Variants in CPQ observed in about 807,000 individuals in gnomAD.
CPQ encodes the protein Ser-Met dipeptidase.
CPQ carries 37 observed loss-of-function variants against 45.7 expected under a neutral mutation model. The observed-to-expected ratio is 0.81, with a 90% CI of 0.62 to 1.07. The LOEUF (loss-of-function observed/expected upper bound fraction) is 1.07, where lower values mean the gene tolerates loss of function less well. Ranked by LOEUF, CPQ falls within the 50% of genes least tolerant of loss-of-function variation. CPQ has a pLI of 0.00. For missense variants in CPQ, 537 were observed against 572.9 expected (o/e 0.94, Z 0.64); for synonymous variants, 186 against 205.8 (o/e 0.90, Z 0.82).
intron 4 of CPQ, among the ~76,000 whole-genome samples, chr8:96,923,152 G>A (rs921601197): frequency 3.9e-5 from 6 of 152,170 alleles, no homozygotes; most frequent in African/African-American, 1.4e-4. Context: ...TGAGCCAGGA[G>A]TCAGTAGAAG....
chr8:96,922,681 C>G (rs1487720571), intron 4 of CPQ, among the ~76,000 whole-genome samples: 2 of 152,154 alleles, frequency 1.3e-5, no homozygotes, highest in African/African-American at 4.8e-5. Context: ...CTCCGACAAC[C>G]TAAAAGCATT....
At chr8:96,993,256 C>G (rs1306186586) in intron 5 of CPQ, among the ~76,000 whole-genome samples, 1 of 152,144 alleles carries the variant, frequency 6.6e-6, no homozygotes, top group African/African-American at 2.4e-5. Context: ...TTATTTGCTT[C>G]TTGAATAAGA....
chr8:97,095,029 G>T (rs562879410), intron 7 of CPQ, among the ~76,000 whole-genome samples: 14 of 152,106 alleles, frequency 9.2e-5, no homozygotes, highest in Non-Finnish European at 2.1e-4. Flanking sequence ...TATGTCCTTA[G>T]CTTCTCTTAA....
chr8:97,143,155 A>T lies in CPQ; in HGVS notation c.1391A>T (p.Asp464Val). ...GCTGTTGTTTCTTATGTTGTTGCAG[A>T]CATGGAAGAAATGCTGCCTAGGTCC... ...VWAVVSYVVA[D>V]MEEMLPRS Residue 464 changes from aspartate (D) to valine (V), a missense_variant, in exon 8 of 8, where the codon GAC (aspartate) becomes GTC (valine). By Grantham distance (152) the Asp-to-Val change is radical. Transcript: ENST00000220763. The T allele has an allele frequency of 1.9e-6, 3 of 1,614,036 alleles. No individual in the cohort carries two copies. Among genetic ancestry groups the T allele is most frequent in the Non-Finnish European group, 2.5e-6 (3 of 1,179,932 alleles).
intron 6 of CPQ, among the ~76,000 whole-genome samples, chr8:97,055,312 C>T (rs767857838): frequency 3.3e-5 from 5 of 152,176 alleles, no homozygotes; most frequent in Non-Finnish European, 7.3e-5. Flanking sequence ...CCACCAGTTC[C>T]TAAAGCCATT....
chr8:96,759,927 G>A (rs1026925808), intron 1 of CPQ, among the ~76,000 whole-genome samples: 2 of 152,068 alleles, frequency 1.3e-5, no homozygotes, highest in Non-Finnish European at 2.9e-5. Flanking sequence ...TATTCCCCCC[G>A]TTACATAGAG....
In CPQ at chr8:96,934,874, A is replaced by C. The variant is rs562007691; in HGVS notation, c.850-31061A>C. ...GATAAGCACTTACGGGCAGAAAAGG[A>C]ACAGAGACAGATCATCACGGTCTCC... On this transcript the variant is annotated intron_variant, in intron 4 of 7. Transcript: ENST00000220763. 3.9e-5 allele frequency among the ~76,000 whole-genome samples: 6 copies of C among 152,280 alleles called. No individual in the cohort carries two copies. In the South Asian group the frequency reaches 8.3e-4, roughly 21 times the overall value.
At chr8:97,023,493 AT>A (rs1809745744) in intron 5 of CPQ, among the ~76,000 whole-genome samples, 1 of 152,190 alleles carries the variant, frequency 6.6e-6, no homozygotes, top group Non-Finnish European at 1.5e-5. Flanking sequence ...AATAAAAAAT[AT>A]AATAAGCAGA....
intron 3 of CPQ, among the ~76,000 whole-genome samples, chr8:96,863,971 A>G (rs533587085): frequency 6.6e-6 from 1 of 152,182 alleles, no homozygotes; most frequent in South Asian, 2.1e-4. Context: ...ACATATTTTA[A>G]TGGTATGTAT....
chr8:96,763,319 G>T (rs1236558228), intron 1 of CPQ, among the ~76,000 whole-genome samples: 1 of 152,092 alleles, frequency 6.6e-6, no homozygotes, highest in South Asian at 2.1e-4. Context: ...ATATTCAATT[G>T]TACTAGTGTG....
At chr8:96,992,453 G>A (rs1229426267) in intron 5 of CPQ, among the ~76,000 whole-genome samples, 1 of 152,144 alleles carries the variant, frequency 6.6e-6, no homozygotes, top group Non-Finnish European at 1.5e-5. Context: ...ATAATTATAT[G>A]TGTGAAGAAT....
intron 6 of CPQ, among the ~76,000 whole-genome samples, chr8:97,033,353 T>C (rs1809941668): frequency 6.6e-6 from 1 of 152,226 alleles, no homozygotes; most frequent in African/African-American, 2.4e-5. Flanking sequence ...AGTTTTTTCA[T>C]ATGTTTAGCT....
At chr8:96,833,184 C>T (rs945410976) in intron 2 of CPQ, among the ~76,000 whole-genome samples, 4 of 152,104 alleles carry the variant, frequency 2.6e-5, no homozygotes, top group African/African-American at 9.7e-5. Flanking sequence ...AACTCTTCTT[C>T]CAAGTTCACA....
intron 7 of CPQ, among the ~76,000 whole-genome samples, chr8:97,073,399 T>C (rs1023923302): frequency 6.6e-6 from 1 of 152,220 alleles, no homozygotes; most frequent in African/African-American, 2.4e-5. Flanking sequence ...CCAGATGGAA[T>C]AGCGCAGCCC....
At chr8:96,852,263 A>G (rs1811780170) in intron 3 of CPQ, among the ~76,000 whole-genome samples, 1 of 152,242 alleles carries the variant, frequency 6.6e-6, no homozygotes, top group Middle Eastern at 3.2e-3. Flanking sequence ...AAAGCATATC[A>G]CATTTCTCCA....
At chr8:96,700,831 CT>C (rs1390675061) in intron 1 of CPQ, among the ~76,000 whole-genome samples, 3 of 152,188 alleles carry the variant, frequency 2.0e-5, no homozygotes, top group Non-Finnish European at 4.4e-5. Flanking sequence ...AACTTTCCCC[CT>C]GTCTGCTCCA....
chr8:96,659,882 C>T (rs1208280243), intron 1 of CPQ, among the ~76,000 whole-genome samples: 1 of 152,176 alleles, frequency 6.6e-6, no homozygotes, highest in East Asian at 1.9e-4. Context: ...CTTGACTCGG[C>T]CATGCAGAAT....
intron 7 of CPQ, among the ~76,000 whole-genome samples, chr8:97,115,958 A>C (rs1485859677): frequency 6.6e-6 from 1 of 152,218 alleles, no homozygotes; most frequent in African/African-American, 2.4e-5. Flanking sequence ...AAAGTTTGGT[A>C]ATAAAGGCAA....
Position 97,014,213 on chromosome 8 carries a change from G to C in CPQ, c.962-15190G>C, listed in dbSNP as rs576093799. On this transcript the variant is annotated intron_variant, in intron 5 of 7. Coordinates refer to ENST00000220763, the MANE Select transcript of CPQ (RefSeq NM_016134.4). ...ATAGCCACAGTAGGAATGTAAAGGA[G>C]GGGGAGAGTTCCAGGGATGTTCGGA... 1.2e-4 allele frequency among the ~76,000 whole-genome samples: 19 copies of C among 152,310 alleles called. No individual in the cohort carries two copies. The South Asian group carries it at 3.7e-3, about 30-fold the overall frequency.
Sources: gnomAD v4.1 joint callset for allele counts (sites outside exome capture counted in the v4.1 genomes callset) on GRCh38, gnomAD v4.1.1 for gene constraint, MANE v1.5 for transcripts, NCBI Gene and HGNC (gene_info 2026-07-23, HGNC 2026-07-21) for gene names.